The following EDC3 variants were observed in gnomAD, a reference collection of about 807,000 sequenced individuals.
EDC3 encodes the protein enhancer of mRNA decapping 3.
A neutral mutation model predicts 41.8 loss-of-function variants in EDC3; 20 were observed. That is an observed-to-expected ratio of 0.48 (90% CI 0.34 to 0.70). The LOEUF is 0.70. EDC3 is among the 30% of genes least tolerant of loss of function. EDC3 has a pLI of 0.01. For missense variants in EDC3, 444 were observed against 636.8 expected, an observed-to-expected ratio of 0.70 and a Z score of 3.26; for synonymous variants, 206 against 243.2, an observed-to-expected ratio of 0.85 and a Z score of 1.42.
At chr15:74,633,125 G>T (rs1375035530) in intron 6 of EDC3, among the ~76,000 whole-genome samples, 179 bp from the exon 7 acceptor site, 1 of 152,222 alleles carries the variant, frequency 6.6e-6, no homozygotes, top group East Asian at 1.9e-4. Context: ...TTGCAAGCTG[G>T]CTGGGCTGAG....
In EDC3 at chr15:74,695,921, A is replaced by G; in HGVS notation, c.-60T>C. ...CTGGAGCTCCTCCGCACACCACACC[A>G]AGCCGACCACTCAACACCAGAGGAC... On this transcript the variant is annotated 5_prime_UTR_variant, in exon 1 of 7. Transcript: ENST00000315127. 1 of 152,898 alleles carries G rather than the reference A, an allele frequency of 6.5e-6. No individual in the cohort carries two copies. The allele number at this position is 152,898 out of a possible 1,614,324, so 9.5% of individuals were successfully genotyped here.
chr15:74,635,812 C>T, intron 5 of EDC3, 186 bp from the exon 6 acceptor site: 1 of 605,460 alleles, frequency 1.7e-6, no homozygotes, highest in East Asian at 2.8e-5. Flanking sequence ...TCCTGTTGTC[C>T]CAAACCCCAA....
In EDC3 at chr15:74,674,809, G is replaced by A. The variant is rs2062783356; in HGVS notation, c.164+152C>T. 9.1e-6 allele frequency: 8 copies of A among 874,540 alleles called. No homozygotes were observed. The South Asian group carries it at 9.9e-5, about 11-fold the overall frequency. The allele number at this position is 874,540 out of a possible 1,614,324, so 54.2% of individuals were successfully genotyped here. The stretch of plus-strand genomic sequence containing the variant: ...ACGGGCAGATTACTTGAGGCCAGTA[G>A]TTCGAGACCAGCCTGGCCAACACAG... On this transcript the variant is annotated intron_variant, in intron 2 of 6. Transcript: ENST00000315127.
intron 3 of EDC3, among the ~76,000 whole-genome samples, chr15:74,662,758 G>A (rs573462959): frequency 6.6e-6 from 1 of 152,252 alleles, no homozygotes; most frequent in East Asian, 1.9e-4. Context: ...AGCAAAATGG[G>A]AAATCACTCC....
intron 1 of EDC3, among the ~76,000 whole-genome samples, chr15:74,675,434 TG>T (rs2062793604): frequency 6.6e-6 from 1 of 151,822 alleles, no homozygotes; most frequent in South Asian, 2.1e-4. Context: ...CTGTTTATAT[TG>T]TATTTTAATA....
chr15:74,660,053 A>AAAAAT (rs957634901), intron 3 of EDC3, among the ~76,000 whole-genome samples: 1 of 151,358 alleles, frequency 6.6e-6, no homozygotes, highest in Admixed American at 6.6e-5. Context: ...CAAAAGAAAA[A>AAAAAT]AAAATAAAAT....
chr15:74,655,443 C>T (rs996308833), intron 4 of EDC3, among the ~76,000 whole-genome samples: 15 of 152,146 alleles, frequency 9.9e-5, no homozygotes, highest in African/African-American at 3.1e-4. Context: ...TTTGAATCTA[C>T]ATAGCAGGCC....
chr15:74,656,982 T>C (rs2062557159), intron 3 of EDC3, among the ~76,000 whole-genome samples: 1 of 152,224 alleles, frequency 6.6e-6, no homozygotes, highest in African/African-American at 2.4e-5. Context: ...ACTGTCCCCT[T>C]TTCAGCTCCC....
At chr15:74,662,801 G>C (rs1331318568) in intron 3 of EDC3, among the ~76,000 whole-genome samples, 1 of 152,100 alleles carries the variant, frequency 6.6e-6, no homozygotes, top group East Asian at 1.9e-4. Context: ...CCTGAAACCA[G>C]GTGACCAAGA....
At chr15:74,688,874 T>C (rs1434114222) in intron 1 of EDC3, among the ~76,000 whole-genome samples, 2 of 145,928 alleles carry the variant, frequency 1.4e-5, no homozygotes, top group African/African-American at 5.1e-5. Flanking sequence ...GCTACTGCAC[T>C]CCAGTATGGG....
chr15:74,655,308 A>C (rs542995517), intron 4 of EDC3, among the ~76,000 whole-genome samples: 45 of 152,362 alleles, frequency 3.0e-4, no homozygotes, highest in African/African-American at 1.1e-3. Context: ...ATTTTTAGCC[A>C]ATGATTCCAA....
chr15:74,640,140 A>G (rs2062330690), intron 5 of EDC3: 1 of 266,434 alleles, frequency 3.8e-6, no homozygotes, highest in Non-Finnish European at 7.1e-6. Flanking sequence ...CGTAAAGTAA[A>G]TGATGAGTGC....
intron 1 of EDC3, among the ~76,000 whole-genome samples, chr15:74,690,733 G>A (rs1158219169): frequency 6.6e-6 from 1 of 152,142 alleles, no homozygotes; most frequent in Non-Finnish European, 1.5e-5. Context: ...GATCACTTGA[G>A]GCCAGGAGTT....
intron 1 of EDC3, among the ~76,000 whole-genome samples, chr15:74,688,893 CGA>C (rs1168471728): frequency 1.4e-5 from 2 of 140,674 alleles, no homozygotes; most frequent in Admixed American, 7.6e-5. Flanking sequence ...GGTGACAGAG[CGA>C]GATGCTGTCT....
rs967846677 is a variant in EDC3, at chr15:74,630,858, G to C, written c.*1754C>G. Reference sequence around the variant, plus strand: ...ATCATCCCTGGATCTTGCTGGAGTGGACAGTCTTCTGGGCCAGGGTTGTTC... The same window carrying C: ...ATCATCCCTGGATCTTGCTGGAGTGCACAGTCTTCTGGGCCAGGGTTGTTC... On this transcript the variant is annotated 3_prime_UTR_variant, in exon 7 of 7. Transcript: ENST00000315127. 8 of 152,244 alleles carry C rather than the reference G, an allele frequency of 5.3e-5. No individual in the cohort carries two copies. Among genetic ancestry groups the C allele is most frequent in the African/African-American group, 1.9e-4 (8 of 41,432 alleles). 9.4% of individuals were successfully genotyped at this position (152,244 alleles called of 1,614,324 possible). A position where few individuals can be genotyped will look rare whatever the true frequency, so the allele number is the denominator to read the frequency against.
Position 74,631,306 on chromosome 15 carries a change from T to A in EDC3, c.*1306A>T, listed in dbSNP as rs1596294972. The A allele has an allele frequency of 6.6e-6, 1 of 152,352 alleles. No homozygotes were observed. The highest frequency in any genetic ancestry group is 1.5e-5 in the Non-Finnish European group (1 of 68,136). 9.4% of individuals were successfully genotyped at this position (152,352 alleles called of 1,614,324 possible). ...GGGCAGACACAGAGCAGAAGCAGCCTGAAGCCCTGAAGCAGGCTTAAACAC... is the reference window on the plus strand; with the variant it reads ...GGGCAGACACAGAGCAGAAGCAGCCAGAAGCCCTGAAGCAGGCTTAAACAC... On this transcript the variant is annotated 3_prime_UTR_variant, in exon 7 of 7. Transcript: ENST00000315127.
At chr15:74,670,564 G>A (rs1355358767) in intron 3 of EDC3, among the ~76,000 whole-genome samples, 1 of 152,118 alleles carries the variant, frequency 6.6e-6, no homozygotes, top group African/African-American at 2.4e-5. Context: ...AAAGTAGCTG[G>A]GATTACAGGC....
chr15:74,686,279 C>T (rs1397869956), intron 1 of EDC3, among the ~76,000 whole-genome samples: 1 of 151,836 alleles, frequency 6.6e-6, no homozygotes, highest in African/African-American at 2.4e-5. Context: ...GGGCTGAGAT[C>T]GTGCCATTGC....
intron 4 of EDC3, among the ~76,000 whole-genome samples, chr15:74,647,932 A>C (rs996163254): frequency 6.6e-6 from 1 of 152,172 alleles, no homozygotes; most frequent in Non-Finnish European, 1.5e-5. Flanking sequence ...CCAGAATAAC[A>C]TCCTTGTGGC....
Sources: gnomAD v4.1 joint callset for allele counts (sites outside exome capture counted in the v4.1 genomes callset) on GRCh38, gnomAD v4.1.1 for gene constraint, MANE v1.5 for transcripts, NCBI Gene and HGNC (gene_info 2026-07-23, HGNC 2026-07-21) for gene names.